Variants in FNDC3A observed in about 807,000 individuals in gnomAD.
FNDC3A encodes the protein fibronectin type III domain containing 3A.
A neutral mutation model predicts 148.9 loss-of-function variants in FNDC3A; 32 were observed. The observed-to-expected ratio is 0.21, with a 90% CI of 0.16 to 0.29. FNDC3A has a LOEUF of 0.29. Among genes scored for constraint, FNDC3A ranks in the 10% least tolerant of loss-of-function variants. The pLI is 1.00. For synonymous variants in FNDC3A, 472 were observed against 473.6 expected (o/e 1.00, Z 0.04); for missense variants, 1,191 against 1,452.8 (o/e 0.82, Z 2.93).
At chr13:49,003,735 T>C (rs186050422) in intron 1 of FNDC3A, among the ~76,000 whole-genome samples, 11 of 152,280 alleles carry the variant, frequency 7.2e-5, no homozygotes, top group Non-Finnish European at 1.6e-4. Context: ...TTGTTTAATT[T>C]GACACTAATT....
At chr13:49,027,889 A>G (rs1873836966) in intron 2 of FNDC3A, among the ~76,000 whole-genome samples, 2 of 152,202 alleles carry the variant, frequency 1.3e-5, no homozygotes, top group East Asian at 3.9e-4. Context: ...AAATGGATCA[A>G]ACATAACAGT....
intron 4 of FNDC3A, among the ~76,000 whole-genome samples, chr13:49,121,690 C>A (rs1881355342): frequency 6.6e-6 from 1 of 152,120 alleles, no homozygotes; most frequent in African/African-American, 2.4e-5. Context: ...CACAGAAATA[C>A]AAACTACCAT....
Position 49,136,373 on chromosome 13 carries a change from C to T in FNDC3A, c.532C>T (p.Arg178Ter), listed in dbSNP as rs1287267654. ...TGGAAGGTCCAACTTTAGAGATGAA[C>T]GATCTAGTAAAACATATGAACGTTT... ...THGRSNFRDE[R>*]SSKTYERLQK... The change falls in exon 6 of 26, where the codon CGA becomes TGA. Residue 178 changes from arginine to a stop codon, truncating the protein, a stop_gained. Transcript: ENST00000492622. LOFTEE classifies it high-confidence loss of function. 1 of 1,613,862 alleles carries T rather than the reference C, an allele frequency of 6.2e-7. No homozygotes were observed. Among genetic ancestry groups the T allele is most frequent in the Non-Finnish European group, 8.5e-7 (1 of 1,179,906 alleles).
intron 8 of FNDC3A, among the ~76,000 whole-genome samples, chr13:49,158,517 G>C (rs1001703723): frequency 1.3e-5 from 2 of 152,196 alleles, no homozygotes; most frequent in African/African-American, 4.8e-5. Context: ...GACCGGAGCT[G>C]TTCCTATTCG....
intron 3 of FNDC3A, among the ~76,000 whole-genome samples, chr13:49,105,487 T>A (rs1880118770): frequency 6.6e-6 from 1 of 152,244 alleles, no homozygotes; most frequent in South Asian, 2.1e-4. Flanking sequence ...TCCAGTCTCA[T>A]GGATTTAAAG....
rs764785324 is a variant in FNDC3A at position 49,188,599 on chromosome 13, G to A, written c.1910G>A (p.Arg637Gln). 2.0e-5 allele frequency: 32 copies of A among 1,613,094 alleles called. No individual in the cohort carries two copies. The highest frequency in any genetic ancestry group is 2.2e-5 in the South Asian group (2 of 91,050). ...AATCCAGGCTGTTTCTATCGTTTAC[G>A]AGTTTACTGCATCAGTGATGGAGGA... is the stretch of plus-strand genomic sequence containing the variant. ...RLNPGCFYRL[R>Q]VYCISDGGQS... The change falls in exon 17 of 26, where the codon CGA (arginine) becomes CAA (glutamine). Residue 637 changes from arginine (R) to glutamine (Q), a missense_variant. Coordinates refer to ENST00000492622, the MANE Select transcript of FNDC3A (RefSeq NM_001079673.2).
chr13:49,187,150 C>A lies in FNDC3A; in HGVS notation c.1785C>A (p.Thr595=). 6.2e-7 allele frequency: 1 copy of A among 1,612,720 alleles called. No individual in the cohort carries two copies. The highest frequency in any genetic ancestry group is 8.5e-7 in the Non-Finnish European group (1 of 1,179,206). The change falls in exon 16 of 26, where the codon ACC becomes ACA. Residue 595 remains threonine, a synonymous_variant. Transcript: ENST00000492622. ...CACCAAAAGACAATGGCGGAGCAACCATCAATAAATATGTAGTGGAGATGG... is the reference window on the plus strand; with the variant it reads ...CACCAAAAGACAATGGCGGAGCAACAATCAATAAATATGTAGTGGAGATGG... ...WDPPKDNGGA[T]INKYVVEMAE...
chr13:49,096,665 C>A (rs1214312306), intron 3 of FNDC3A, among the ~76,000 whole-genome samples: 1 of 152,064 alleles, frequency 6.6e-6, no homozygotes. Flanking sequence ...GTTTTAAGTG[C>A]CTTTTCATGT....
intron 8 of FNDC3A, among the ~76,000 whole-genome samples, chr13:49,163,612 C>A (rs958660855): frequency 6.6e-6 from 1 of 152,220 alleles, no homozygotes; most frequent in African/African-American, 2.4e-5. Context: ...CCCCACCCTG[C>A]TTTGGCTCAC....
chr13:49,059,684 T>A (rs1018443359), intron 2 of FNDC3A, among the ~76,000 whole-genome samples: 3 of 152,170 alleles, frequency 2.0e-5, no homozygotes, highest in African/African-American at 7.2e-5. Flanking sequence ...TCAAAACTCC[T>A]GACCTCAAGC....
chr13:49,162,051 A>T (rs997780928), intron 8 of FNDC3A, among the ~76,000 whole-genome samples: 1 of 151,386 alleles, frequency 6.6e-6, no homozygotes, highest in African/African-American at 2.4e-5. Context: ...TTTTTCCTTC[A>T]TTTCAACTTT....
chr13:49,143,584 T>C (rs1259801818), intron 7 of FNDC3A, among the ~76,000 whole-genome samples: 2 of 152,150 alleles, frequency 1.3e-5, no homozygotes, highest in African/African-American at 4.8e-5. Context: ...GGGTAAAGGA[T>C]AGACAGGGAT....
intron 2 of FNDC3A, among the ~76,000 whole-genome samples, chr13:49,057,831 G>A (rs1876363545): frequency 6.6e-6 from 1 of 152,092 alleles, no homozygotes; most frequent in Non-Finnish European, 1.5e-5. Flanking sequence ...CACACTTTCT[G>A]ATTAAGCAGT....
At chr13:49,105,963 AACCTATGAG>A (rs1880148535) in intron 3 of FNDC3A, among the ~76,000 whole-genome samples, 2 of 152,228 alleles carry the variant, frequency 1.3e-5, no homozygotes, top group Non-Finnish European at 1.5e-5. Flanking sequence ...AGCATACAGT[AACCTATGAG>A]GCCTAACAGA....
intron 3 of FNDC3A, among the ~76,000 whole-genome samples, chr13:49,088,499 C>G (rs908678499): frequency 2.6e-5 from 4 of 152,190 alleles, no homozygotes; most frequent in African/African-American, 9.6e-5. Context: ...ACACTCTTGT[C>G]AAGGTCACCA....
At chr13:49,131,812 A>G (rs1240434017) in intron 5 of FNDC3A, among the ~76,000 whole-genome samples, 2 of 152,062 alleles carry the variant, frequency 1.3e-5, no homozygotes, top group African/African-American at 4.8e-5. Flanking sequence ...ATTTGGGGAA[A>G]GTTAATAAAT....
intron 2 of FNDC3A, chr13:49,046,764 A>G (rs1032728640): frequency 6.6e-5 from 10 of 152,340 alleles, no homozygotes; most frequent in South Asian, 6.2e-4. Flanking sequence ...CTGAAAAATC[A>G]TCACATAATG....
chr13:48,998,326 T>C (rs1212302841), intron 1 of FNDC3A, among the ~76,000 whole-genome samples: 1 of 152,072 alleles, frequency 6.6e-6, no homozygotes, highest in East Asian at 1.9e-4. Context: ...TATAAAAAGC[T>C]CAAAAATCTG....
At chr13:48,996,526 T>C (rs542210314) in intron 1 of FNDC3A, among the ~76,000 whole-genome samples, 3 of 152,356 alleles carry the variant, frequency 2.0e-5, no homozygotes, top group South Asian at 4.1e-4. Flanking sequence ...TTAGGTATTA[T>C]AAGTCATACA....
Sources: allele counts gnomAD v4.1 joint callset (sites outside exome capture counted in the v4.1 genomes callset), GRCh38; gene constraint gnomAD v4.1.1; transcripts MANE v1.5; gene names NCBI Gene and HGNC (gene_info 2026-07-23, HGNC 2026-07-21).